IL1RAPL2: variants seen among roughly 807,000 people sequenced by gnomAD.
IL1RAPL2 encodes interleukin 1 receptor accessory protein like 2, also known as X-linked interleukin-1 receptor accessory protein-like 2.
A neutral mutation model predicts 44.1 loss-of-function variants in IL1RAPL2; 3 were observed. That is an observed-to-expected ratio of 0.07 (90% CI 0.03 to 0.18). The LOEUF is 0.18. IL1RAPL2 is among the 10% of genes least tolerant of loss of function. The pLI is 1.00. For synonymous variants in IL1RAPL2, 181 were observed against 178.8 expected, an observed-to-expected ratio of 1.01 and a Z score of -0.10; for missense variants, 391 against 496.4, an observed-to-expected ratio of 0.79 and a Z score of 2.02.
At chrX:105,568,649 C>T (rs1463429679) in intron 6 of IL1RAPL2, among the ~76,000 whole-genome samples, 2 of 111,944 alleles carry the variant, frequency 1.8e-5, no homozygotes, top group South Asian at 3.6e-4. Context: ...TTGGCTCCTT[C>T]GGAGAAACAA....
intron 2 of IL1RAPL2, among the ~76,000 whole-genome samples, chrX:104,875,973 T>C (rs1048562436): frequency 9.0e-6 from 1 of 111,215 alleles, no homozygotes; most frequent in Admixed American, 9.6e-5. Context: ...AACAGTTACT[T>C]ACAGTAACTT....
At chrX:104,601,493 T>A (rs1928882654) in intron 1 of IL1RAPL2, among the ~76,000 whole-genome samples, 1 of 111,950 alleles carries the variant, frequency 8.9e-6, no homozygotes, top group Non-Finnish European at 1.9e-5. Context: ...AATTGTGTGA[T>A]GTTGAGATTT....
At chrX:105,638,028 C>T (rs771247382) in intron 6 of IL1RAPL2, among the ~76,000 whole-genome samples, 22 of 110,824 alleles carry the variant, frequency 2.0e-4, no homozygotes, top group Non-Finnish European at 4.2e-4. Context: ...ATTTGCCACA[C>T]CCCCTCCTCA....
intron 3 of IL1RAPL2, among the ~76,000 whole-genome samples, chrX:105,211,353 C>T (rs1427372670): frequency 1.8e-5 from 2 of 111,389 alleles, no homozygotes; most frequent in South Asian, 3.8e-4. Flanking sequence ...TAGCAGTCCT[C>T]GCCTGGAGCT....
chrX:104,852,250 C>G (rs1922245893), intron 2 of IL1RAPL2, among the ~76,000 whole-genome samples: 1 of 111,955 alleles, frequency 8.9e-6, no homozygotes, highest in Non-Finnish European at 1.9e-5. Context: ...TAAAGGAAGG[C>G]AAAGGTTTTA....
intron 6 of IL1RAPL2, among the ~76,000 whole-genome samples, chrX:105,713,534 C>CCAAT (rs1331428956): frequency 1.8e-5 from 2 of 111,457 alleles, no homozygotes; most frequent in Non-Finnish European, 3.8e-5. Flanking sequence ...CCTCCATGAT[C>CCAAT]CAATCATCCC....
At chrX:104,963,934 TGAGAGAGA>T (rs201418326) in intron 2 of IL1RAPL2, among the ~76,000 whole-genome samples, 43 of 102,554 alleles carry the variant, frequency 4.2e-4, no homozygotes, top group African/African-American at 8.3e-4. Context: ...TGTGTGTGTG[TGAGAGAGA>T]GAGAGAGAGA....
At chrX:104,921,923 C>T (rs1924653213) in intron 2 of IL1RAPL2, among the ~76,000 whole-genome samples, 2 of 112,419 alleles carry the variant, frequency 1.8e-5, no homozygotes, top group Non-Finnish European at 3.8e-5. Flanking sequence ...TGGCTGCCTG[C>T]TGGGCTGATA....
intron 6 of IL1RAPL2, among the ~76,000 whole-genome samples, chrX:105,507,193 C>T (rs976894265): frequency 9.0e-6 from 1 of 111,627 alleles, no homozygotes; most frequent in Admixed American, 9.6e-5. Flanking sequence ...GTTATTCTTA[C>T]TCTGTCAAGA....
chrX:105,450,907 A>AGT (rs747929543), intron 5 of IL1RAPL2, among the ~76,000 whole-genome samples: 7,181 of 93,990 alleles, frequency 0.076, 210 homozygotes, highest in African/African-American at 0.096. Context: ...CTTAGGTCCG[A>AGT]GTGTGTGTGT....
At chrX:105,029,684 C>T (rs1019019650) in intron 2 of IL1RAPL2, among the ~76,000 whole-genome samples, 2 of 109,992 alleles carry the variant, frequency 1.8e-5, no homozygotes, top group African/African-American at 6.6e-5. Context: ...CAAGTCTTTG[C>T]TATTGTGAAT....
At chrX:105,510,523 A>G (rs1220043915) in intron 6 of IL1RAPL2, among the ~76,000 whole-genome samples, 1 of 112,075 alleles carries the variant, frequency 8.9e-6, no homozygotes, top group Non-Finnish European at 1.9e-5. Context: ...TGCCTCCTCA[A>G]AAAATGTCCA....
chrX:104,718,354 A>T (rs1357195225), intron 2 of IL1RAPL2, among the ~76,000 whole-genome samples: 3 of 111,325 alleles, frequency 2.7e-5, no homozygotes, highest in Non-Finnish European at 5.7e-5. Flanking sequence ...TCTGATGGCC[A>T]GTGATGATGA....
intron 3 of IL1RAPL2, among the ~76,000 whole-genome samples, chrX:105,216,587 GA>G (rs1180436392): frequency 0.022 from 2,220 of 100,688 alleles, 57 homozygotes; most frequent in African/African-American, 0.072. Context: ...CACTGAATTA[GA>G]AAAAAAAAAA....
intron 3 of IL1RAPL2, among the ~76,000 whole-genome samples, chrX:105,222,531 A>G (rs1391114954): frequency 8.9e-6 from 1 of 112,018 alleles, no homozygotes; most frequent in East Asian, 2.8e-4. Flanking sequence ...AGTGACTTCT[A>G]CAGAAAGAGC....
intron 2 of IL1RAPL2, among the ~76,000 whole-genome samples, chrX:104,762,663 G>C (rs773910680): frequency 6.2e-5 from 7 of 113,009 alleles, no homozygotes; most frequent in Admixed American, 2.8e-4. Flanking sequence ...GAAAACTTCT[G>C]TCTGGCCATC....
chrX:105,421,990 G>A (rs1175329236), intron 5 of IL1RAPL2, among the ~76,000 whole-genome samples: 1 of 111,816 alleles, frequency 8.9e-6, no homozygotes, highest in African/African-American at 3.2e-5. Flanking sequence ...CTAACAACAC[G>A]TTTACTACAG....
At chrX:104,851,415 G>A (rs1034405875) in intron 2 of IL1RAPL2, among the ~76,000 whole-genome samples, 1 of 111,708 alleles carries the variant, frequency 9.0e-6, no homozygotes, top group African/African-American at 3.3e-5. Flanking sequence ...ATATCAGAAA[G>A]TGCTTGTCAA....
At chrX:104,582,328 C>A (rs1356649881) in intron 1 of IL1RAPL2, among the ~76,000 whole-genome samples, 1 of 111,956 alleles carries the variant, frequency 8.9e-6, no homozygotes, top group African/African-American at 3.2e-5. Context: ...GATGTGCACA[C>A]CTCAGGCCTA....
Sources: allele counts gnomAD v4.1 joint callset (sites outside exome capture counted in the v4.1 genomes callset), GRCh38; gene constraint gnomAD v4.1.1; transcripts MANE v1.5; gene names NCBI Gene and HGNC (gene_info 2026-07-23, HGNC 2026-07-21).